Variants in GFI1B observed in about 807,000 individuals in gnomAD.
GFI1B encodes growth factor independent 1B transcriptional repressor.
GFI1B carries 20 observed loss-of-function variants against 35.3 expected under a neutral mutation model. The observed-to-expected ratio is 0.57, with a 90% CI of 0.40 to 0.82. The LOEUF is 0.82. Among genes scored for constraint, GFI1B ranks in the 40% least tolerant of loss-of-function variants. GFI1B has a pLI of 0.00. For missense variants in GFI1B, 430 were observed against 446.3 expected, an observed-to-expected ratio of 0.96 and a Z score of 0.33; for synonymous variants, 178 against 177.6, an observed-to-expected ratio of 1.00 and a Z score of -0.02.
upstream of GFI1B, among the ~76,000 whole-genome samples, chr9:132,975,681 G>T (rs1848616440): frequency 6.6e-6 from 1 of 152,196 alleles, no homozygotes; most frequent in African/African-American, 2.4e-5. Flanking sequence ...ATACACATGT[G>T]TTACATAAGG....
At chr9:132,992,578 A>G (rs899114055), downstream of GFI1B, among the ~76,000 whole-genome samples, 4 of 152,146 alleles carry the variant, frequency 2.6e-5, no homozygotes, top group Non-Finnish European at 5.9e-5. Flanking sequence ...CCCAGCACGT[A>G]GTAAGTGCTG....
At chr9:132,974,576 TA>T (rs1848592703), upstream of GFI1B, among the ~76,000 whole-genome samples, 1 of 117,352 alleles carries the variant, frequency 8.5e-6, no homozygotes, top group Non-Finnish European at 1.6e-5. Flanking sequence ...CCCTCCAGCC[TA>T]GGCGACAGAG....
At chr9:132,973,913 C>T (rs1359009199), upstream of GFI1B, among the ~76,000 whole-genome samples, 1 of 152,226 alleles carries the variant, frequency 6.6e-6, no homozygotes, top group Non-Finnish European at 1.5e-5. Context: ...GCCCATATCC[C>T]TCCCCCTGGG....
intron 1 of GFI1B, chr9:132,962,479 A>G (rs1012017281): frequency 6.3e-6 from 3 of 474,898 alleles, no homozygotes; most frequent in Admixed American, 2.4e-5. Flanking sequence ...CTTCTCTGCT[A>G]TCGTGGTGTG....
chr9:132,986,815 C>A (rs774367148), intron 2 of GFI1B, 37 bp downstream of exon 2: 8 of 1,285,152 alleles, frequency 6.2e-6, no homozygotes, highest in Non-Finnish European at 8.9e-6. Flanking sequence ...GCTGCACCCA[C>A]GGGGGGCTCT....
At chr9:132,985,957 C>T (rs1054385995) in intron 1 of GFI1B, among the ~76,000 whole-genome samples, 33 of 152,320 alleles carry the variant, frequency 2.2e-4, no homozygotes, top group Middle Eastern at 3.4e-3. Context: ...CCCTGCCTTT[C>T]CTTTTCTGCT....
At position 132,989,302 on chromosome 9, in the gene GFI1B, T is replaced by C. The variant is rs1588441918; in HGVS notation, c.648+104T>C. On this transcript the variant is annotated intron_variant, in intron 5 of 6. Coordinates refer to ENST00000372122, the MANE Select transcript of GFI1B (RefSeq NM_001377304.1). The surrounding 1 kb of genome is among the most constrained non-coding windows in gnomAD (Gnocchi z 6.2). ...GGGTCCCTCCCCCTGCCCCTGGGGG[T>C]GACACAGATTGGGAGGGGTCCCCTA... 6.1e-6 allele frequency: 7 copies of C among 1,149,374 alleles called. No individual in the cohort carries two copies. The South Asian group carries it at 6.3e-5, about 10-fold the overall frequency. The allele number at this position is 1,149,374 out of a possible 1,614,324, so 71.2% of individuals were successfully genotyped here.
intron 1 of GFI1B, among the ~76,000 whole-genome samples, chr9:132,985,938 G>T (rs568877541): frequency 2.6e-5 from 4 of 152,208 alleles, no homozygotes; most frequent in African/African-American, 9.7e-5. Flanking sequence ...CACAGAGGGA[G>T]ACCCCAGTCC....
At chr9:132,952,321 T>C (rs1848213968) in intron 1 of GFI1B, 1 of 152,144 alleles carries the variant, frequency 6.6e-6, no homozygotes, top group African/African-American at 2.4e-5. Context: ...TCTCTCTCTT[T>C]TTCTTTTTTT....
At chr9:132,968,304 T>C (rs2132606002) in intron 1 of GFI1B, among the ~76,000 whole-genome samples, 1 of 151,780 alleles carries the variant, frequency 6.6e-6, no homozygotes, top group South Asian at 2.1e-4. Context: ...TTTTTTTTAG[T>C]AGAGACGAGG....
At chr9:132,983,683 C>T (rs570563298) in intron 1 of GFI1B, among the ~76,000 whole-genome samples, 1 of 152,292 alleles carries the variant, frequency 6.6e-6, no homozygotes, top group African/African-American at 2.4e-5. Context: ...CACCTGCAAC[C>T]TGGGAAGACA....
chr9:132,965,672 A>G (rs79283491), intron 1 of GFI1B, among the ~76,000 whole-genome samples: 6,027 of 152,278 alleles, frequency 0.04, 429 homozygotes, highest in African/African-American at 0.14. Context: ...GCGCAGCTCC[A>G]GGCCAAGGAA....
chr9:132,982,056 C>T lies in GFI1B; in HGVS notation c.-21+3215C>T, dbSNP rs1455789973. 2.0e-5 allele frequency among the ~76,000 whole-genome samples: 3 copies of T among 152,168 alleles called. No homozygotes were observed. In the South Asian group the frequency reaches 6.2e-4, roughly 31 times the overall value. ...GCGTGAGCCACCACGCCCGGCCTCCCTTGAGTCTTTAAACATAAAGGAAGT... is the reference window on the plus strand; with the variant it reads ...GCGTGAGCCACCACGCCCGGCCTCCTTTGAGTCTTTAAACATAAAGGAAGT... On this transcript the variant is annotated intron_variant, in intron 1 of 6. Coordinates refer to ENST00000372122, the MANE Select transcript of GFI1B (RefSeq NM_001377304.1).
chr9:132,957,914 G>A (rs558037499), intron 1 of GFI1B, among the ~76,000 whole-genome samples: 2 of 152,280 alleles, frequency 1.3e-5, no homozygotes, highest in South Asian at 4.2e-4. Context: ...CTATGGTTTT[G>A]CGTGCATATA....
intron 1 of GFI1B, among the ~76,000 whole-genome samples, chr9:132,971,114 G>A (rs940632834): frequency 4.6e-5 from 7 of 152,232 alleles, no homozygotes; most frequent in Middle Eastern, 3.4e-3. Flanking sequence ...ATCCTCCCAC[G>A]TCAGTCCCCA....
upstream of GFI1B, among the ~76,000 whole-genome samples, chr9:132,973,865 T>C (rs1848576748): frequency 6.6e-6 from 1 of 152,176 alleles, no homozygotes; most frequent in African/African-American, 2.4e-5. Context: ...AACCTCATGG[T>C]TTTGGCGGGA....
rs966550706 is a variant in GFI1B, at chr9:132,967,442, A to G, written c.-700-5283A>G. On this transcript the variant is annotated intron_variant, in intron 1 of 10. Transcript: ENST00000339463. ...GGGGAAAAAATCATTACGAAAAGAA[A>G]GGGGCAGGGGGTGCTCTTCCATCAT... Among the ~76,000 whole-genome samples, 3 of 152,162 alleles carry G rather than the reference A, an allele frequency of 2.0e-5. No homozygotes were observed. In the East Asian group the frequency reaches 5.8e-4, roughly 29 times the overall value.
chr9:132,957,836 G>A lies in GFI1B; in HGVS notation c.-701+12167G>A, dbSNP rs560536616. On this transcript the variant is annotated intron_variant, in intron 1 of 10. Coordinates refer to the GFI1B transcript ENST00000339463. ...TAGCATGGCTGTAACCAAGCATGCTGGGGAAAGAGAGGCAAGAAATACTAA... is the reference window on the plus strand; with the variant it reads ...TAGCATGGCTGTAACCAAGCATGCTAGGGAAAGAGAGGCAAGAAATACTAA... 1.7e-4 allele frequency among the ~76,000 whole-genome samples: 26 copies of A among 152,234 alleles called. No individual in the cohort carries two copies. The Middle Eastern group carries it at 0.014, about 80-fold the overall frequency.
rs752776987 is a variant in GFI1B at position 132,989,802 on chromosome 9, A to T, written c.709A>T (p.Thr237Ser). 6.2e-7 allele frequency: 1 copy of T among 1,613,938 alleles called. No individual in the cohort carries two copies. Residue 237 changes from threonine (T) to serine (S), a missense_variant, in exon 6 of 7, where the codon ACC becomes TCC. Transcript: ENST00000372122. This position sits in a 1 kb window ranked among gnomAD's most constrained non-coding sequence, Gnocchi z 6.2. ...CTTCAAGCGCTCGTCCACGCTGTCC[A>T]CCCACCTGCTCATCCACTCAGACAC... is the stretch of plus-strand genomic sequence containing the variant. ...KAFKRSSTLSTHLLIHSDTRP... is the reference protein window; with the variant it reads ...KAFKRSSTLSSHLLIHSDTRP...
Sources: allele counts gnomAD v4.1 joint callset (sites outside exome capture counted in the v4.1 genomes callset), GRCh38; gene constraint gnomAD v4.1.1; non-coding constraint Gnocchi (gnomAD v3.1); transcripts MANE v1.5; gene names NCBI Gene and HGNC (gene_info 2026-07-23, HGNC 2026-07-21).